Variants in TLN2 observed in about 807,000 individuals in gnomAD.
TLN2 encodes talin-2.
A neutral mutation model predicts 294.7 loss-of-function variants in TLN2; 118 were observed. That is an observed-to-expected ratio of 0.40 (90% CI 0.34 to 0.47). The LOEUF (loss-of-function observed/expected upper bound fraction) is 0.47. Among genes scored for constraint, TLN2 ranks in the 20% least tolerant of loss-of-function variants. The pLI, the probability that TLN2 is intolerant of heterozygous loss-of-function variation, is 0.84. For missense variants in TLN2, 3,083 were observed against 3,282.2 expected (o/e 0.94, Z 1.48); for synonymous variants, 1,431 against 1,304.5 (o/e 1.10, Z -2.09).
rs777197381 is a variant in TLN2 at position 62,738,202 on chromosome 15, C to G, written c.3568-12C>G. Reference sequence around the variant, plus strand: ...TGTACTTAAAGGTGCTTCTCTCTCTCCACGAATTCAGGTGGCTAAAGCCGT... The same window carrying G: ...TGTACTTAAAGGTGCTTCTCTCTCTGCACGAATTCAGGTGGCTAAAGCCGT... On this transcript the variant is annotated splice_polypyrimidine_tract_variant and intron_variant, in intron 29 of 58. Coordinates refer to ENST00000636159, the MANE Select transcript of TLN2 (RefSeq NM_015059.3). The G allele has an allele frequency of 7.4e-6, 12 of 1,613,028 alleles. No individual in the cohort carries two copies. The highest frequency in any genetic ancestry group is 1.0e-5 in the Non-Finnish European group (12 of 1,179,574).
chr15:62,622,575 A>G (rs1414852949), intron 3 of TLN2, among the ~76,000 whole-genome samples: 1 of 152,224 alleles, frequency 6.6e-6, no homozygotes, highest in East Asian at 1.9e-4. Context: ...ACTGTAATTA[A>G]TAATATGGAT....
chr15:62,608,364 G>C (rs1259086193), intron 2 of TLN2, among the ~76,000 whole-genome samples: 1 of 152,168 alleles, frequency 6.6e-6, no homozygotes, highest in Non-Finnish European at 1.5e-5. Context: ...TTTAAGTGTG[G>C]TGAGCTGTAG....
At chr15:62,736,731 C>CT (rs985902472) in intron 28 of TLN2, 147 bp from the exon 29 acceptor site, 15 of 887,212 alleles carry the variant, frequency 1.7e-5, no homozygotes, top group Non-Finnish European at 2.4e-5. Context: ...CCAGCTACTT[C>CT]TTTGAGAAAC....
intron 2 of TLN2, among the ~76,000 whole-genome samples, chr15:62,596,003 C>T (rs765899696): frequency 3.1e-4 from 47 of 152,080 alleles, no homozygotes; most frequent in Non-Finnish European, 5.4e-4. Flanking sequence ...TGGCCAGGCG[C>T]GGTGGCTCAC....
intron 57 of TLN2, among the ~76,000 whole-genome samples, chr15:62,837,023 T>C (rs2069739555): frequency 6.6e-6 from 1 of 152,258 alleles, no homozygotes; most frequent in South Asian, 2.1e-4. Context: ...CCCTATACTT[T>C]GGACATTTTG....
At chr15:62,650,804 A>G (rs2052504716) in intron 5 of TLN2, among the ~76,000 whole-genome samples, 1 of 152,186 alleles carries the variant, frequency 6.6e-6, no homozygotes, top group Non-Finnish European at 1.5e-5. Context: ...TGTGATGCCA[A>G]TTAATTTGGA....
chr15:62,593,130 C>T (rs1352407041), intron 2 of TLN2, among the ~76,000 whole-genome samples: 1 of 152,204 alleles, frequency 6.6e-6, no homozygotes. Flanking sequence ...CTGTACCAGT[C>T]ATTTAAGGGC....
intron 1 of TLN2, among the ~76,000 whole-genome samples, chr15:62,540,185 C>A (rs1049558113): frequency 1.3e-5 from 2 of 151,740 alleles, no homozygotes; most frequent in African/African-American, 4.8e-5. Flanking sequence ...ACTAAAAATA[C>A]AAAAAATTAG....
chr15:62,739,011 G>A (rs1567498446), intron 30 of TLN2, among the ~76,000 whole-genome samples: 1 of 152,164 alleles, frequency 6.6e-6, no homozygotes, highest in Non-Finnish European at 1.5e-5. Context: ...AGACAAAATA[G>A]GGTAGAGTTT....
At chr15:62,819,070 G>C (rs569453657) in intron 52 of TLN2, among the ~76,000 whole-genome samples, 44 of 151,874 alleles carry the variant, frequency 2.9e-4, no homozygotes, top group Non-Finnish European at 5.6e-4. Flanking sequence ...ATGTTGACCA[G>C]GCTGGTCTTG....
At chr15:62,748,542 C>T (rs935777995) in intron 33 of TLN2, 98 bp downstream of exon 33, 2 of 1,002,976 alleles carry the variant, frequency 2.0e-6, no homozygotes, top group African/African-American at 1.6e-5. Flanking sequence ...TGTTCTTTCC[C>T]TATAGGGCTA....
intron 1 of TLN2, among the ~76,000 whole-genome samples, chr15:62,492,444 A>G (rs1004624877): frequency 6.6e-6 from 1 of 151,790 alleles, no homozygotes; most frequent in African/African-American, 2.4e-5. Context: ...CTGTAATCTC[A>G]GCTACTCCAA....
intron 1 of TLN2, among the ~76,000 whole-genome samples, chr15:62,575,029 A>C (rs1264878909): frequency 9.2e-5 from 14 of 152,150 alleles, no homozygotes. Context: ...TATCTGTTTC[A>C]GGGCTGGGCG....
At chr15:62,674,593 C>G (rs115591726) in intron 10 of TLN2, among the ~76,000 whole-genome samples, 4,138 of 137,858 alleles carry the variant, frequency 0.03, 194 homozygotes, top group African/African-American at 0.1. Flanking sequence ...CCTCCCCCCG[C>G]CCTGTTCAAG....
chr15:62,732,303 G>GA (rs2060776010), intron 28 of TLN2, among the ~76,000 whole-genome samples: 1 of 152,188 alleles, frequency 6.6e-6, no homozygotes, highest in Admixed American at 6.5e-5. Context: ...GTTGGTGTCT[G>GA]AAAAACAGCC....
intron 28 of TLN2, among the ~76,000 whole-genome samples, chr15:62,734,835 C>G (rs773657066): frequency 1.3e-5 from 2 of 152,150 alleles, no homozygotes; most frequent in Non-Finnish European, 2.9e-5. Context: ...GGATCTGAGG[C>G]CTTTCACACT....
In TLN2 at chr15:62,702,745, A is replaced by G. The variant is rs780944925; in HGVS notation, c.1906-21A>G. 9.3e-6 allele frequency: 15 copies of G among 1,611,846 alleles called. No individual in the cohort carries two copies. The Admixed American group carries it at 2.2e-4, about 23-fold the overall frequency. Reference sequence around the variant, plus strand: ...AGGAAATGCGTTTTCTTTCCAATTAAGGTGTGTTGTTTGTTCACAGCCTCG... The same window carrying G: ...AGGAAATGCGTTTTCTTTCCAATTAGGGTGTGTTGTTTGTTCACAGCCTCG... On this transcript the variant is annotated intron_variant, in intron 18 of 58. Transcript: ENST00000636159.
chr15:62,690,724 T>C (rs2057797380), intron 12 of TLN2, among the ~76,000 whole-genome samples: 1 of 149,706 alleles, frequency 6.7e-6, no homozygotes, highest in African/African-American at 2.5e-5. Context: ...CTCGGCACCA[T>C]TGAGCACTGA....
rs541589265 is a variant in TLN2, at chr15:62,406,952, A to C, written c.-238+16267A>C. On this transcript the variant is annotated intron_variant, in intron 1 of 58. Transcript: ENST00000636159. ...CTGAGGTTTTAGAATATTGGACTTTAACATATTTTTTGGGATGGGGGGTAC... is the reference window on the plus strand; with the variant it reads ...CTGAGGTTTTAGAATATTGGACTTTCACATATTTTTTGGGATGGGGGGTAC... Among the ~76,000 whole-genome samples the C allele has an allele frequency of 6.6e-5, 10 of 152,296 alleles. 2 individuals carry two copies. Among genetic ancestry groups the C allele is most frequent in the African/African-American group, 2.4e-4 (10 of 41,566 alleles).
Sources: allele counts gnomAD v4.1 joint callset (sites outside exome capture counted in the v4.1 genomes callset), GRCh38; gene constraint gnomAD v4.1.1; transcripts MANE v1.5; gene names NCBI Gene and HGNC (gene_info 2026-07-23, HGNC 2026-07-21).